Variants in CCDC47 observed in about 807,000 individuals in gnomAD.
CCDC47 encodes the protein PAT complex subunit CCDC47.
Under a neutral mutation model 60.5 loss-of-function variants are expected in CCDC47, and 41 were observed. That is an observed-to-expected ratio of 0.68 (90% CI 0.53 to 0.88). The LOEUF is 0.88. CCDC47 is among the 40% of genes least tolerant of loss of function. The pLI, the probability that CCDC47 is intolerant of heterozygous loss-of-function variation, is 0.00. For synonymous variants in CCDC47, 195 were observed against 190.7 expected (o/e 1.02, Z -0.18); for missense variants, 513 against 580.9 (o/e 0.88, Z 1.20).
intron 9 of CCDC47, chr17:63,753,367 G>C (rs2039181414): frequency 4.1e-6 from 1 of 243,710 alleles, no homozygotes; most frequent in Non-Finnish European, 6.6e-6. Flanking sequence ...GCTACAATGT[G>C]AAACACTGTC....
At chr17:63,752,949 G>C in intron 9 of CCDC47, 150 bp from the exon 10 acceptor site, 4 of 1,346,184 alleles carry the variant, frequency 3.0e-6, no homozygotes, top group African/African-American at 3.0e-5. Flanking sequence ...TAATGAAGGA[G>C]CTTTACAGGT....
At chr17:63,768,968 C>T (rs950954903) in intron 1 of CCDC47, among the ~76,000 whole-genome samples, 2 of 151,806 alleles carry the variant, frequency 1.3e-5, no homozygotes, top group Admixed American at 6.6e-5. Context: ...CTTGTAATCC[C>T]AGCTACTTGG....
intron 7 of CCDC47, 22 bp from the exon 8 acceptor site, chr17:63,756,372 A>T (rs2039206877): frequency 6.2e-7 from 1 of 1,600,186 alleles, no homozygotes; most frequent in East Asian, 2.2e-5. Flanking sequence ...AGTAATTGAA[A>T]GTAAGATATG....
In CCDC47 at chr17:63,759,511, ATATATATATATATATTTAT is replaced by A. The variant is rs2039235534; in HGVS notation, c.735+1384_735+1402del. Among the ~76,000 whole-genome samples the A allele has an allele frequency of 7.3e-4, 17 of 23,440 alleles. 2 individuals carry two copies. The highest frequency in any genetic ancestry group is 4.3e-3 in the African/African-American group (15 of 3,524). The allele number at this position is 23,440 out of a possible 152,430, so 15.4% of individuals were successfully genotyped here. ...CTCCCAAAAAAAAAAAAAAAAAAAT[ATATATATATATATATTTAT>A]ATATATATATATATATATATATATA... On this transcript the variant is annotated intron_variant, in intron 6 of 12. Transcript: ENST00000225726.
At chr17:63,754,557 T>C (rs756615655) in intron 8 of CCDC47, 39 bp from the exon 9 acceptor site, 11 of 1,333,180 alleles carry the variant, frequency 8.3e-6, no homozygotes, top group Non-Finnish European at 1.2e-5. Context: ...AAGCAAGGTT[T>C]AATGCATTTC....
At chr17:63,761,733 G>A (rs553054221) in intron 4 of CCDC47, 1 of 639,796 alleles carries the variant, frequency 1.6e-6, no homozygotes, top group Non-Finnish European at 1.9e-6. Context: ...AATACCTCAC[G>A]TTCCTCTACC....
intron 1 of CCDC47, among the ~76,000 whole-genome samples, chr17:63,769,900 C>T (rs770152707): frequency 3.7e-4 from 56 of 151,746 alleles, no homozygotes; most frequent in Admixed American, 3.3e-3. Context: ...CATACATTTA[C>T]ATACAAATAT....
chr17:63,755,980 C>A (rs962933555), intron 8 of CCDC47, among the ~76,000 whole-genome samples: 2 of 150,712 alleles, frequency 1.3e-5, no homozygotes, highest in African/African-American at 4.9e-5. Flanking sequence ...AAGCTATATT[C>A]CTTTTTCAAA....
intron 6 of CCDC47, among the ~76,000 whole-genome samples, chr17:63,760,352 C>A (rs942150500): frequency 2.0e-5 from 3 of 152,202 alleles, no homozygotes; most frequent in Non-Finnish European, 2.9e-5. Context: ...TCAAGGCTAA[C>A]TCCATTGATC....
intron 12 of CCDC47, among the ~76,000 whole-genome samples, chr17:63,748,744 A>C (rs1427050236): frequency 2.6e-5 from 4 of 152,100 alleles, no homozygotes; most frequent in African/African-American, 9.7e-5. Flanking sequence ...AGCCTGGCTA[A>C]TGTGGTGAAA....
chr17:63,753,580 C>T, intron 9 of CCDC47: 12 of 932,892 alleles, frequency 1.3e-5, no homozygotes, highest in Non-Finnish European at 1.5e-5. Flanking sequence ...AATATGCTCT[C>T]CTGAGACAGG....
chr17:63,750,221 T>C (rs1358591852), intron 12 of CCDC47, among the ~76,000 whole-genome samples: 1 of 152,194 alleles, frequency 6.6e-6, no homozygotes, highest in African/African-American at 2.4e-5. Flanking sequence ...AACTTCCTTT[T>C]ATAGAAAAAT....
At chr17:63,764,682 G>A (rs531684341) in intron 3 of CCDC47, 58 bp downstream of exon 3, 1 of 1,432,262 alleles carries the variant, frequency 7.0e-7, no homozygotes, top group African/African-American at 1.4e-5. Flanking sequence ...TTTATTTCTG[G>A]GATTGATGAC....
At chr17:63,747,686 T>A (rs975087978) in intron 12 of CCDC47, 2 of 985,204 alleles carry the variant, frequency 2.0e-6, no homozygotes, top group African/African-American at 3.5e-5. Context: ...ATTTTTAGGG[T>A]ACTGGGGTAA....
chr17:63,752,219 C>A, intron 11 of CCDC47, 101 bp downstream of exon 11: 3 of 1,446,268 alleles, frequency 2.1e-6, no homozygotes, highest in Non-Finnish European at 2.9e-6. Flanking sequence ...TCTAAATCAA[C>A]TAGCAAAAAT....
Position 63,764,850 on chromosome 17 carries a change from AC to A in CCDC47, c.265-4del. 6.2e-7 allele frequency: 1 copy of A among 1,608,758 alleles called. No homozygotes were observed. The highest frequency in any genetic ancestry group is 8.5e-7 in the Non-Finnish European group (1 of 1,178,456). On this transcript the variant is annotated splice_polypyrimidine_tract_variant and splice_region_variant and intron_variant, in intron 2 of 12. Transcript: ENST00000225726. ...GGTTCACTCTCAGTATCTCCCTCCT[AC>A]AAAAATGAGGCATCATCCGTTTTCC...
rs779019481 is a variant in CCDC47 at position 63,765,991 on chromosome 17, T to C, written c.185A>G (p.Asp62Gly). 1.2e-6 allele frequency: 2 copies of C among 1,614,106 alleles called. No homozygotes were observed. The change falls in exon 2 of 13, where the codon GAT (aspartate) becomes GGT (glycine). Residue 62 changes from aspartate (D) to glycine (G), a missense_variant. Transcript: ENST00000225726. ...ESPQRVIITE[D>G]DEDETTVELE... Reference sequence around the variant, plus strand: ...CTCCACAGTGGTCTCATCTTCATCATCTTCAGTGATTATGACCCGTTGAGG... The same window carrying C: ...CTCCACAGTGGTCTCATCTTCATCACCTTCAGTGATTATGACCCGTTGAGG...
intron 12 of CCDC47, chr17:63,747,853 T>C (rs1466562877): frequency 1.1e-6 from 1 of 937,082 alleles, no homozygotes; most frequent in East Asian, 1.2e-4. Context: ...CTGTCTTAGG[T>C]TTTTTCTTTA....
At chr17:63,747,695 A>T in intron 12 of CCDC47, 1 of 985,348 alleles carries the variant, frequency 1.0e-6, no homozygotes, top group Non-Finnish European at 1.2e-6. Context: ...GTACTGGGGT[A>T]AAAATGTGCT....
Sources: gnomAD v4.1 joint callset for allele counts (sites outside exome capture counted in the v4.1 genomes callset) on GRCh38, gnomAD v4.1.1 for gene constraint, MANE v1.5 for transcripts, NCBI Gene and HGNC (gene_info 2026-07-23, HGNC 2026-07-21) for gene names.